The following PTK7 variants were observed in gnomAD, a reference collection of about 807,000 sequenced individuals.
The protein encoded by PTK7 is inactive tyrosine-protein kinase 7.
PTK7 carries 39 observed loss-of-function variants against 116.6 expected under a neutral mutation model. That is an observed-to-expected ratio of 0.33 (90% CI 0.26 to 0.44). PTK7 has a LOEUF of 0.44. Ranked by LOEUF, PTK7 falls within the 20% of genes least tolerant of loss-of-function variation. The probability of loss-of-function intolerance (pLI) is 1.00; values close to 1 mark genes in which losing one functional copy is unlikely to be tolerated. For synonymous variants in PTK7, 546 were observed against 563.6 expected (o/e 0.97, Z 0.44); for missense variants, 1,169 against 1,425.6 (o/e 0.82, Z 2.90).
At chr6:43,135,249 G>T (rs1561970703) in intron 7 of PTK7, among the ~76,000 whole-genome samples, 1 of 152,158 alleles carries the variant, frequency 6.6e-6, no homozygotes, top group Non-Finnish European at 1.5e-5. Flanking sequence ...CAGATCAGGT[G>T]CTGGGTGTTA....
At chr6:43,149,078 A>AAAAG (rs1168007076) in intron 17 of PTK7, among the ~76,000 whole-genome samples, 3 of 141,908 alleles carry the variant, frequency 2.1e-5, no homozygotes, top group South Asian at 2.3e-4. Context: ...AAAAAAAAAA[A>AAAAG]AAAGAAATGC....
Position 43,145,564 on chromosome 6 carries a change from G to T in PTK7, c.2640+132G>T. ...TCAGCCGAGACCTCACCTGCCTGCT[G>T]TTACACTTTGCCCACCTTATGATGC... On this transcript the variant is annotated intron_variant, in intron 16 of 19. Transcript: ENST00000230419. The surrounding 1 kb of genome is among the most constrained non-coding windows in gnomAD (Gnocchi z 4.8). The T allele has an allele frequency of 1.6e-6, 1 of 638,296 alleles. No homozygotes were observed. Among genetic ancestry groups the T allele is most frequent in the East Asian group, 3.0e-5 (1 of 33,104 alleles). 39.5% of individuals were successfully genotyped at this position (638,296 alleles called of 1,614,324 possible).
At position 43,115,231 on chromosome 6, in the gene PTK7, C is replaced by T. The variant is rs1431260975; in HGVS notation, c.80-13746C>T. Among the ~76,000 whole-genome samples the T allele has an allele frequency of 2.7e-5, 4 of 150,538 alleles. No individual in the cohort carries two copies. The East Asian group carries it at 7.8e-4, about 29-fold the overall frequency. ...AGTATGACTCTTTTTTGGTTATTTT[C>T]CTTAAAAATAAAGGAACAATCATTA... is the stretch of plus-strand genomic sequence containing the variant. On this transcript the variant is annotated intron_variant, in intron 1 of 19. Coordinates refer to ENST00000230419, the MANE Select transcript of PTK7 (RefSeq NM_002821.5).
chr6:43,141,995 G>T lies in PTK7; in HGVS notation c.1833G>T (p.Leu611=), dbSNP rs779525009. 3.1e-6 allele frequency: 5 copies of T among 1,613,736 alleles called. No homozygotes were observed. Among genetic ancestry groups the T allele is most frequent in the Admixed American group, 1.7e-5 (1 of 59,984 alleles). The change falls in exon 12 of 20, where the codon CTG becomes CTT. Residue 611 remains leucine, a synonymous_variant. Coordinates refer to ENST00000230419, the MANE Select transcript of PTK7 (RefSeq NM_002821.5). The surrounding 1 kb of genome is among the most constrained non-coding windows in gnomAD (Gnocchi z 4.9). ...TTVYQGHTAL[L]QCEAQGDPKP... ...TGTACCAGGGCCACACAGCCCTACT[G>T]CAGTGCGAGGCCCAGGGGGACCCCA...
At chr6:43,103,829 T>A (rs1360786478) in intron 1 of PTK7, among the ~76,000 whole-genome samples, 1 of 152,208 alleles carries the variant, frequency 6.6e-6, no homozygotes, top group Non-Finnish European at 1.5e-5. Flanking sequence ...CTTTGGTGAA[T>A]CCTTCTAGGA....
chr6:43,155,190 ATTTT>A, intron 17 of PTK7, among the ~76,000 whole-genome samples: 1 of 147,212 alleles, frequency 6.8e-6, no homozygotes, highest in South Asian at 2.2e-4. Context: ...AGATACTCAA[ATTTT>A]TTTTTTTTTA....
Position 43,143,619 on chromosome 6 carries a change from C to A in PTK7, c.2250C>A (p.Asn750Lys), listed in dbSNP as rs769368084. 1 of 1,610,980 alleles carries A rather than the reference C, an allele frequency of 6.2e-7. No individual in the cohort carries two copies. The highest frequency in any genetic ancestry group is 2.2e-5 in the East Asian group (1 of 44,866). The part of the protein sequence containing the change: ...EGEEPEMECL[N>K]GGPLQNGQPS... ...AGGAGCCAGAGATGGAATGCCTCAA[C>A]GGTGAGGGGCCCTGGACGGGGAGGT... is the stretch of plus-strand genomic sequence containing the variant. The change falls in exon 14 of 20, where the codon AAC becomes AAA. Residue 750 changes from asparagine to lysine, a missense_variant and splice_region_variant. Asn to Lys is a moderately conservative substitution (Grantham distance 94). Transcript: ENST00000230419. This position sits in a 1 kb window ranked among gnomAD's most constrained non-coding sequence, Gnocchi z 4.2.
intron 1 of PTK7, among the ~76,000 whole-genome samples, chr6:43,098,184 T>A (rs1383275386): frequency 6.6e-6 from 1 of 152,046 alleles, no homozygotes; most frequent in Non-Finnish European, 1.5e-5. Flanking sequence ...CAACATGGAC[T>A]TTGGGGGCCC....
At chr6:43,093,554 G>A (rs562547064) in intron 1 of PTK7, among the ~76,000 whole-genome samples, 25 of 152,168 alleles carry the variant, frequency 1.6e-4, no homozygotes, top group Non-Finnish European at 2.9e-4. Context: ...GGCAGGAGAC[G>A]GACAGGAGAT....
chr6:43,124,047 C>T (rs1209459900), intron 1 of PTK7, among the ~76,000 whole-genome samples: 1 of 152,292 alleles, frequency 6.6e-6, no homozygotes, highest in Non-Finnish European at 1.5e-5. Flanking sequence ...ACGTGGCCTG[C>T]ATCTCCATGG....
At position 43,129,837 on chromosome 6, in the gene PTK7, G is replaced by A; in HGVS notation, c.470+8G>A. Reference sequence around the variant, plus strand: ...CATTGATGGGCACCCTCGGTAAGGAGTCAGGGAGGTGGGGATGAAGAGGGT... The same window carrying A: ...CATTGATGGGCACCCTCGGTAAGGAATCAGGGAGGTGGGGATGAAGAGGGT... On this transcript the variant is annotated splice_region_variant and intron_variant, in intron 3 of 19. Transcript: ENST00000230419. This position sits in a 1 kb window ranked among gnomAD's most constrained non-coding sequence, Gnocchi z 4.5. 6.2e-7 allele frequency: 1 copy of A among 1,612,620 alleles called. No homozygotes were observed.
chr6:43,151,738 C>T (rs1186446421), intron 17 of PTK7, among the ~76,000 whole-genome samples: 2 of 148,572 alleles, frequency 1.3e-5, no homozygotes, highest in African/African-American at 5.0e-5. Flanking sequence ...GGGGTTTGAC[C>T]AAGTTGGCCA....
In PTK7 at chr6:43,161,474, A is replaced by G. The variant is rs1206737368; in HGVS notation, c.*593A>G. 7.1e-6 allele frequency: 1 copy of G among 141,138 alleles called. No homozygotes were observed. Among genetic ancestry groups the G allele is most frequent in the East Asian group, 2.4e-4 (1 of 4,246 alleles). The allele number at this position is 141,138 out of a possible 1,614,324, so 8.7% of individuals were successfully genotyped here. ...ATCCTAAGTGCCTGGCAGATGAAGG[A>G]GTTTTCAGGAGCTTTTGACACTATA... On this transcript the variant is annotated 3_prime_UTR_variant, in exon 20 of 20. Coordinates refer to ENST00000230419, the MANE Select transcript of PTK7 (RefSeq NM_002821.5).
Position 43,143,591 on chromosome 6 carries a change from G to A in PTK7, c.2222G>A (p.Gly741Asp). The A allele has an allele frequency of 1.2e-6, 2 of 1,612,858 alleles. No individual in the cohort carries two copies. Among genetic ancestry groups the A allele is most frequent in the Non-Finnish European group, 1.7e-6 (2 of 1,179,992 alleles). ...AAGCGGCTGCAGAAGCAGCCCGAGGGCGAGGAGCCAGAGATGGAATGCCTC... is the reference window on the plus strand; with the variant it reads ...AAGCGGCTGCAGAAGCAGCCCGAGGACGAGGAGCCAGAGATGGAATGCCTC... ...KAKRLQKQPEGEEPEMECLNG... is the reference protein window; with the variant it reads ...KAKRLQKQPEDEEPEMECLNG... The change falls in exon 14 of 20, where the codon GGC (glycine) becomes GAC (aspartate). Residue 741 changes from glycine to aspartate, a missense_variant. Gly to Asp is a moderately conservative substitution (Grantham distance 94, BLOSUM62 -1). Around this residue, in one of 3 missense-constraint regions of PTK7, gnomAD observed 678 missense variants for 853.8 expected, o/e 0.79. Coordinates refer to ENST00000230419, the MANE Select transcript of PTK7 (RefSeq NM_002821.5). The surrounding 1 kb of genome is among the most constrained non-coding windows in gnomAD (Gnocchi z 4.2).
chr6:43,077,538 C>G (rs576400175), intron 1 of PTK7, among the ~76,000 whole-genome samples: 1 of 152,290 alleles, frequency 6.6e-6, no homozygotes, highest in African/African-American at 2.4e-5. Flanking sequence ...ACCTAAGAGT[C>G]ATCACTGAGG....
chr6:43,082,584 T>G (rs1306987359), intron 1 of PTK7, among the ~76,000 whole-genome samples: 1 of 152,222 alleles, frequency 6.6e-6, no homozygotes, highest in East Asian at 1.9e-4. Context: ...AGAGCTTTCC[T>G]GTTGCAACAG....
intron 13 of PTK7, 180 bp downstream of exon 13, chr6:43,142,479 C>T (rs768357005): frequency 1.3e-5 from 13 of 1,002,422 alleles, no homozygotes; most frequent in South Asian, 5.5e-5. Flanking sequence ...GCCGGGCTGT[C>T]GTTTATTTAA....
chr6:43,142,942 G>T (rs552708116), intron 13 of PTK7: 27 of 172,140 alleles, frequency 1.6e-4, no homozygotes, highest in South Asian at 1.1e-3. Flanking sequence ...TTCCCCTAAT[G>T]CCTCTTGAGG....
At position 43,134,290 on chromosome 6, in the gene PTK7, C is replaced by T. The variant is rs925161990; in HGVS notation, c.1228+1603C>T. Among the ~76,000 whole-genome samples the T allele has an allele frequency of 9.2e-5, 14 of 152,220 alleles. No individual in the cohort carries two copies. In the East Asian group the frequency reaches 1.8e-3, roughly 19 times the overall value. The stretch of plus-strand genomic sequence containing the variant: ...TTGACCTCAAGTGATCCACCTGCCT[C>T]GGCCTCCTAAAGTGCTGGGATTATG... On this transcript the variant is annotated intron_variant, in intron 7 of 19. Transcript: ENST00000230419.
Sources: gnomAD v4.1 joint callset for allele counts (sites outside exome capture counted in the v4.1 genomes callset) on GRCh38, gnomAD v4.1.1 for gene constraint, gnomAD v4.1.1 regional missense constraint, Gnocchi (gnomAD v3.1) non-coding constraint, MANE v1.5 for transcripts, NCBI Gene and HGNC (gene_info 2026-07-23, HGNC 2026-07-21) for gene names.